RANBP3: variants seen among roughly 807,000 people sequenced by gnomAD.
The protein encoded by RANBP3 is RAN binding protein 3.
In RANBP3, 14 loss-of-function variants were observed where a neutral mutation model predicts 77.3. The ratio of observed to expected loss-of-function variants is 0.18; its 90% CI spans 0.12 to 0.28. The LOEUF is 0.28. Among genes scored for constraint, RANBP3 ranks in the 10% least tolerant of loss-of-function variants. The pLI is 1.00. For synonymous variants in RANBP3, 315 were observed against 312.4 expected (o/e 1.01, Z -0.09); for missense variants, 586 against 752.3 (o/e 0.78, Z 2.59).
At position 5,923,934 on chromosome 19, in the gene RANBP3, T is replaced by C. The variant is rs370593911; in HGVS notation, c.997-20A>G. 23 of 1,588,282 alleles carry C rather than the reference T, an allele frequency of 1.4e-5. No individual in the cohort carries two copies. The African/African-American group carries it at 2.6e-4, about 18-fold the overall frequency. On this transcript the variant is annotated intron_variant, in intron 11 of 16. Transcript: ENST00000340578. ...GGGGCTCTGCAGGGACACAAAAGCA[T>C]ACAAGGAAGAGGGCACTTGTGTGGT... is the stretch of plus-strand genomic sequence containing the variant.
chr19:5,977,205 A>AG (rs35067826), intron 1 of RANBP3, among the ~76,000 whole-genome samples: 1 of 152,096 alleles, frequency 6.6e-6, no homozygotes, highest in South Asian at 2.1e-4. Context: ...CAACTAGAAA[A>AG]GGGGGGGAGC....
chr19:5,919,858 G>C (rs1360186079), intron 14 of RANBP3, among the ~76,000 whole-genome samples: 1 of 145,038 alleles, frequency 6.9e-6, no homozygotes, highest in African/African-American at 2.6e-5. Context: ...CCGAAACGAA[G>C]CCACTGCACT....
At position 5,952,471 on chromosome 19, in the gene RANBP3, T is replaced by C. The variant is rs1161919676; in HGVS notation, c.79-875A>G. Among the ~76,000 whole-genome samples the C allele has an allele frequency of 6.6e-6, 1 of 152,166 alleles. No homozygotes were observed. Among genetic ancestry groups the C allele is most frequent in the Middle Eastern group, 3.2e-3 (1 of 316 alleles). On this transcript the variant is annotated intron_variant, in intron 2 of 16. Coordinates refer to ENST00000340578, the MANE Select transcript of RANBP3 (RefSeq NM_007322.3). The surrounding 1 kb of genome is among the most constrained non-coding windows in gnomAD (Gnocchi z 4.1). Reference sequence around the variant, plus strand: ...CCATGGGCTGAGAGCTCTGTGGCCGTAACTCCAAGACTTTTCTTGAGAAAT... The same window carrying C: ...CCATGGGCTGAGAGCTCTGTGGCCGCAACTCCAAGACTTTTCTTGAGAAAT...
intron 5 of RANBP3, chr19:5,935,882 A>T: frequency 2.2e-6 from 1 of 449,558 alleles, no homozygotes; most frequent in Non-Finnish European, 4.5e-6. Context: ...TCATGGCCAG[A>T]GCCCGACGCC....
At position 5,918,561 on chromosome 19, in the gene RANBP3, C is replaced by T. The variant is rs1470104263; in HGVS notation, c.1408G>A (p.Glu470Lys). The change falls in exon 15 of 17, where the codon GAG becomes AAG. Residue 470 changes from glutamate to lysine, a missense_variant. By Grantham distance (56) the Glu-to-Lys change is moderately conservative. This residue lies in a region of RANBP3 where 128 missense variants were observed against 157.0 expected (regional missense o/e 0.82). Transcript: ENST00000340578. Reference sequence around the variant, plus strand: ...ATGGCTGTGATGCGAATGCTCTTCTCGCTGGCCTTGTCGATCTGCATCTGG... The same window carrying T: ...ATGGCTGTGATGCGAATGCTCTTCTTGCTGGCCTTGTCGATCTGCATCTGG... Reference protein sequence around the residue: ...WAQMQIDKASEKSIRITAMDT... With the variant: ...WAQMQIDKASKKSIRITAMDT... 2.5e-6 allele frequency: 4 copies of T among 1,613,816 alleles called. No individual in the cohort carries two copies. Among genetic ancestry groups the T allele is most frequent in the East Asian group, 2.2e-5 (1 of 44,864 alleles).
chr19:5,959,795 C>T lies in RANBP3; in HGVS notation c.23-1822G>A, dbSNP rs551316634. Among the ~76,000 whole-genome samples the T allele has an allele frequency of 9.9e-5, 15 of 152,272 alleles. No homozygotes were observed. In the East Asian group the frequency reaches 2.9e-3, roughly 29 times the overall value. On this transcript the variant is annotated intron_variant, in intron 1 of 16. Transcript: ENST00000340578. This position sits in a 1 kb window ranked among gnomAD's most constrained non-coding sequence, Gnocchi z 5.1. Reference sequence around the variant, plus strand: ...CCACGCCTGTACCCCACAAGCCCAGCCCTGACCTCTGCATTTGCCTCCCTG... The same window carrying T: ...CCACGCCTGTACCCCACAAGCCCAGTCCTGACCTCTGCATTTGCCTCCCTG...
intron 13 of RANBP3, among the ~76,000 whole-genome samples, chr19:5,922,813 A>AGGTG: frequency 6.6e-6 from 1 of 152,114 alleles, no homozygotes; most frequent in Non-Finnish European, 1.5e-5. Context: ...GGTGGTGCAC[A>AGGTG]CCTGTAATCC....
At chr19:5,933,355 G>C in intron 6 of RANBP3, 59 bp downstream of exon 6, 1 of 1,437,756 alleles carries the variant, frequency 7.0e-7, no homozygotes, top group South Asian at 1.2e-5. Context: ...GTGTGGCCTA[G>C]CAGAGGTCTG....
intron 1 of RANBP3, among the ~76,000 whole-genome samples, chr19:5,967,861 A>G (rs1240815439): frequency 6.6e-6 from 1 of 152,078 alleles, no homozygotes; most frequent in Non-Finnish European, 1.5e-5. Context: ...TCTCTACCCA[A>G]AATACAAAAA....
In RANBP3 at chr19:5,925,698, C is replaced by T. The variant is rs771302380; in HGVS notation, c.853G>A (p.Ala285Thr). The T allele has an allele frequency of 5.0e-6, 8 of 1,613,968 alleles. No homozygotes were observed. In the South Asian group the frequency reaches 7.7e-5, roughly 16 times the overall value. Residue 285 changes from alanine to threonine, a missense_variant, in exon 10 of 17, where the codon GCT (alanine) becomes ACT (threonine). Physicochemically the swap from Ala to Thr is moderately conservative, Grantham distance 58. Around this residue, in one of 5 missense-constraint regions of RANBP3, gnomAD observed 232 missense variants for 271.7 expected, o/e 0.85. Coordinates refer to ENST00000340578, the MANE Select transcript of RANBP3 (RefSeq NM_007322.3). ...GGCGTGTCTGCGCTGGGGTGTCCAG[C>T]ATTCTCCATGTCGGCTTCGTCCACG... ...ESVDEADMEN[A>T]GHPSADTPTA...
intron 1 of RANBP3, 143 bp downstream of exon 1, chr19:5,977,918 G>T: frequency 1.9e-6 from 2 of 1,077,312 alleles, no homozygotes; most frequent in Non-Finnish European, 2.6e-6. Context: ...AATAGGGGGC[G>T]GCTGCAAGGC....
intron 1 of RANBP3, among the ~76,000 whole-genome samples, chr19:5,972,872 T>C (rs2058546542): frequency 6.6e-6 from 1 of 152,150 alleles, no homozygotes; most frequent in South Asian, 2.1e-4. Flanking sequence ...CCCTAACACC[T>C]AATGAATGCA....
Position 5,978,049 on chromosome 19 carries a change from C to A in RANBP3, c.22+12G>T, listed in dbSNP as rs755739821. The A allele has an allele frequency of 1.2e-6, 2 of 1,609,908 alleles. No individual in the cohort carries two copies. The highest frequency in any genetic ancestry group is 1.7e-5 in the Admixed American group (1 of 59,704). On this transcript the variant is annotated intron_variant, in intron 1 of 16. Transcript: ENST00000340578. ...CCGGCCGCCAGCCGGTCCCCAACGG[C>A]GCCTCCCCTACCTTCGTTCGCCAGG...
In RANBP3 at chr19:5,917,518, C is replaced by T. The variant is rs945158707; in HGVS notation, c.*92G>A. ...CAGTGGGGTGTGTGGTTCCCGGCCC[C>T]GCACCTGGACGCTGCCGGTGGGGTG... On this transcript the variant is annotated 3_prime_UTR_variant, in exon 17 of 17. Coordinates refer to ENST00000340578, the MANE Select transcript of RANBP3 (RefSeq NM_007322.3). 193 of 1,421,556 alleles carry T rather than the reference C, an allele frequency of 1.4e-4. 1 individual carries two copies. Among genetic ancestry groups the T allele is most frequent in the Non-Finnish European group, 1.7e-4 (184 of 1,066,518 alleles). 88.1% of individuals were successfully genotyped at this position (1,421,556 alleles called of 1,614,324 possible). A position where few individuals can be genotyped will look rare whatever the true frequency, so the allele number is the denominator to read the frequency against.
At chr19:5,974,679 T>C (rs1465427286) in intron 1 of RANBP3, among the ~76,000 whole-genome samples, 2 of 152,118 alleles carry the variant, frequency 1.3e-5, no homozygotes, top group Admixed American at 6.5e-5. Context: ...TTTCCTCGTA[T>C]ACAAGCAGAG....
chr19:5,943,918 C>T (rs1291650209), intron 3 of RANBP3, among the ~76,000 whole-genome samples: 1 of 152,214 alleles, frequency 6.6e-6, no homozygotes, highest in East Asian at 1.9e-4. Flanking sequence ...TCCGGCCAGG[C>T]CAAAAGCACG....
At position 5,927,870 on chromosome 19, in the gene RANBP3, C is replaced by T. The variant is rs117474079; in HGVS notation, c.813+98G>A. 4.3e-4 allele frequency: 629 copies of T among 1,463,348 alleles called. 1 individual carries two copies. The highest frequency in any genetic ancestry group is 8.1e-4 in the Admixed American group (37 of 45,888). 90.6% of individuals were successfully genotyped at this position (1,463,348 alleles called of 1,614,324 possible). ...TCGCTAACACCTTCTTTGTCCCACG[C>T]TCCCCTCCCCTGTTAAAAGGAAAAT... On this transcript the variant is annotated intron_variant, in intron 9 of 16. Transcript: ENST00000340578.
chr19:5,923,096 C>A lies in RANBP3; in HGVS notation c.1209+98G>T. 9.4e-6 allele frequency: 9 copies of A among 954,924 alleles called. 1 individual carries two copies. In the South Asian group the frequency reaches 1.3e-4, roughly 14 times the overall value. The allele number at this position is 954,924 out of a possible 1,614,324, so 59.2% of individuals were successfully genotyped here. On this transcript the variant is annotated intron_variant, in intron 13 of 16. Coordinates refer to ENST00000340578, the MANE Select transcript of RANBP3 (RefSeq NM_007322.3). Reference sequence around the variant, plus strand: ...AGTGGCCCCTCCGTCATCTCAGGGGCAGGCCTGTGTGCTCAGAGGATGTGG... The same window carrying A: ...AGTGGCCCCTCCGTCATCTCAGGGGAAGGCCTGTGTGCTCAGAGGATGTGG...
At chr19:5,940,163 T>G (rs2058116903) in intron 5 of RANBP3, among the ~76,000 whole-genome samples, 1 of 152,214 alleles carries the variant, frequency 6.6e-6, no homozygotes, top group Non-Finnish European at 1.5e-5. Flanking sequence ...TCTTGGGGGC[T>G]GCTGCGCTGG....
Sources: gnomAD v4.1 joint callset for allele counts (sites outside exome capture counted in the v4.1 genomes callset) on GRCh38, gnomAD v4.1.1 for gene constraint, gnomAD v4.1.1 regional missense constraint, Gnocchi (gnomAD v3.1) non-coding constraint, MANE v1.5 for transcripts, NCBI Gene and HGNC (gene_info 2026-07-23, HGNC 2026-07-21) for gene names.